Variants in OR1L3 observed in about 807,000 individuals in gnomAD.
The protein encoded by OR1L3 is olfactory receptor 1L3.
For missense variants in OR1L3, 374 were observed against 386.4 expected (o/e 0.97, Z 0.27); for synonymous variants, 137 against 144.5 (o/e 0.95, Z 0.37).
chr9:122,675,675 C>T lies in OR1L3; in HGVS notation c.546C>T (p.Asn182=), dbSNP rs374999670. ...NVIHHFFCDV[N]PVLKLSCSST... is the part of the protein sequence containing the mutation. Reference sequence around the variant, plus strand: ...TCCATCATTTTTTTTGTGATGTCAACCCTGTGCTGAAACTGTCCTGCTCCT... The same window carrying T: ...TCCATCATTTTTTTTGTGATGTCAATCCTGTGCTGAAACTGTCCTGCTCCT... Residue 182 remains asparagine (N), a synonymous_variant, in exon 1 of 1, where the codon AAC becomes AAT. Coordinates refer to ENST00000304820, the MANE Select transcript of OR1L3 (RefSeq NM_001005234.1). 1.9e-6 allele frequency: 3 copies of T among 1,613,954 alleles called. No homozygotes were observed. The highest frequency in any genetic ancestry group is 1.6e-4 in the Middle Eastern group (1 of 6,084).
At position 122,676,032 on chromosome 9, in the gene OR1L3, G is replaced by C; in HGVS notation, c.903G>C (p.Gln301His). 6.2e-7 allele frequency: 1 copy of C among 1,611,726 alleles called. No individual in the cohort carries two copies. The change falls in exon 1 of 1, where the codon CAG becomes CAC. Residue 301 changes from glutamine (Q) to histidine (H), a missense_variant. By Grantham distance (24) the Gln-to-His change is conservative. Transcript: ENST00000304820. Reference sequence around the variant, plus strand: ...ACAAAGACATGAAACGGGGCTTACAGAAATTGATAAACAAGATTAAGTCTC... The same window carrying C: ...ACAAAGACATGAAACGGGGCTTACACAAATTGATAAACAAGATTAAGTCTC... ...LRNKDMKRGL[Q>H]KLINKIKSQM... is the part of the protein sequence containing the mutation.
Position 122,675,357 on chromosome 9 carries a change from CAT to C in OR1L3, c.230_231del (p.Ile77SerfsTer19). 1 of 1,614,214 alleles carries C rather than the reference CAT, an allele frequency of 6.2e-7. No homozygotes were observed. The highest frequency in any genetic ancestry group is 1.6e-4 in the Middle Eastern group (1 of 6,062). ...TTGCTGATATTTGCTACACAACAGT[CAT>C]AGTCCCAAAGATGCTCGTGAACTTC... is the stretch of plus-strand genomic sequence containing the variant. Reference protein sequence around the residue: ...SFADICYTTVIVPKMLVNFLS... With the variant: ...SFADICYTTVXVPKMLVNFLS... On this transcript the variant is annotated frameshift_variant, in exon 1 of 1. Coordinates refer to ENST00000304820, the MANE Select transcript of OR1L3 (RefSeq NM_001005234.1). LOFTEE classifies it low-confidence loss of function (END_TRUNC).
chr9:122,675,211 T>C lies in OR1L3; in HGVS notation c.82T>C (p.Phe28Leu), dbSNP rs770689429. ...TCGGTCTGAAGACCAGAGGCCACTCTTTGCCCTCTTTCTTATCATATACCT... is the reference window on the plus strand; with the variant it reads ...TCGGTCTGAAGACCAGAGGCCACTCCTTGCCCTCTTTCTTATCATATACCT... ...SSRSEDQRPLFALFLIIYLVT... is the reference protein window; with the variant it reads ...SSRSEDQRPLLALFLIIYLVT... The change falls in exon 1 of 1, where the codon TTT becomes CTT. Residue 28 changes from phenylalanine to leucine, a missense_variant. Coordinates refer to ENST00000304820, the MANE Select transcript of OR1L3 (RefSeq NM_001005234.1). 2 of 1,614,100 alleles carry C rather than the reference T, an allele frequency of 1.2e-6. No individual in the cohort carries two copies. Among genetic ancestry groups the C allele is most frequent in the South Asian group, 2.2e-5 (2 of 91,088 alleles).
rs749568103 is a variant in OR1L3 at position 122,675,974 on chromosome 9, C to T, written c.845C>T (p.Ser282Leu). 1.2e-6 allele frequency: 2 copies of T among 1,614,150 alleles called. No individual in the cohort carries two copies. ...ACAATCAACTACACTGTGTTGACAT[C>T]AGTGTTGAACCCATTTATCTACAGT... The part of the protein sequence containing the change: ...IATINYTVLT[S>L]VLNPFIYSLR... Residue 282 changes from serine to leucine, a missense_variant, in exon 1 of 1, where the codon TCA becomes TTA. By Grantham distance (145) the Ser-to-Leu change is moderately radical. Coordinates refer to ENST00000304820, the MANE Select transcript of OR1L3 (RefSeq NM_001005234.1).
chr9:122,675,230 T>C lies in OR1L3; in HGVS notation c.101T>C (p.Ile34Thr). 3.1e-6 allele frequency: 5 copies of C among 1,614,194 alleles called. No homozygotes were observed. The highest frequency in any genetic ancestry group is 4.2e-6 in the Non-Finnish European group (5 of 1,180,026). ...QRPLFALFLIIYLVTLMGNLL... is the reference protein window; with the variant it reads ...QRPLFALFLITYLVTLMGNLL... ...CCACTCTTTGCCCTCTTTCTTATCATATACCTGGTCACTTTGATGGGAAAT... is the reference window on the plus strand; with the variant it reads ...CCACTCTTTGCCCTCTTTCTTATCACATACCTGGTCACTTTGATGGGAAAT... The change falls in exon 1 of 1, where the codon ATA becomes ACA. Residue 34 changes from isoleucine to threonine, a missense_variant. Transcript: ENST00000304820.
Position 122,676,056 on chromosome 9 carries a change from T to G in OR1L3, c.927T>G (p.Ser309=). 1 of 1,606,520 alleles carries G rather than the reference T, an allele frequency of 6.2e-7. No homozygotes were observed. The highest frequency in any genetic ancestry group is 8.5e-7 in the Non-Finnish European group (1 of 1,177,552). Residue 309 remains serine, a synonymous_variant, in exon 1 of 1, where the codon TCT becomes TCG. Coordinates refer to ENST00000304820, the MANE Select transcript of OR1L3 (RefSeq NM_001005234.1). The part of the protein sequence containing the change: ...GLQKLINKIK[S]QMSRFSTKTN... ...AGAAATTGATAAACAAGATTAAGTC[T>G]CAAATGAGTAGGTTCTCTACAAAGA... is the stretch of plus-strand genomic sequence containing the variant.
At position 122,675,376 on chromosome 9, in the gene OR1L3, G is replaced by A. The variant is rs142972365; in HGVS notation, c.247G>A (p.Val83Met). 44 of 1,614,062 alleles carry A rather than the reference G, an allele frequency of 2.7e-5. No homozygotes were observed. The highest frequency in any genetic ancestry group is 3.3e-5 in the Admixed American group (2 of 59,998). Residue 83 changes from valine to methionine, a missense_variant, in exon 1 of 1, where the codon GTG (valine) becomes ATG (methionine). Physicochemically the swap from Val to Met is conservative, Grantham distance 21 (BLOSUM62 1). Coordinates refer to ENST00000304820, the MANE Select transcript of OR1L3 (RefSeq NM_001005234.1). Reference sequence around the variant, plus strand: ...AACAGTCATAGTCCCAAAGATGCTCGTGAACTTCTTATCAGAGAAAAAGAC... The same window carrying A: ...AACAGTCATAGTCCCAAAGATGCTCATGAACTTCTTATCAGAGAAAAAGAC... ...YTTVIVPKML[V>M]NFLSEKKTIS...
At position 122,675,182 on chromosome 9, in the gene OR1L3, C is replaced by A. The variant is rs377223632; in HGVS notation, c.53C>A (p.Ser18Tyr). 1 of 1,613,830 alleles carries A rather than the reference C, an allele frequency of 6.2e-7. No homozygotes were observed. The highest frequency in any genetic ancestry group is 1.3e-5 in the African/African-American group (1 of 75,048). The change falls in exon 1 of 1, where the codon TCC becomes TAC. Residue 18 changes from serine to tyrosine, a missense_variant. By Grantham distance (144) the Ser-to-Tyr change is moderately radical. Coordinates refer to ENST00000304820, the MANE Select transcript of OR1L3 (RefSeq NM_001005234.1). ...TCTGAATTTATTCTCTTGGGACTCT[C>A]CTCTCGGTCTGAAGACCAGAGGCCA... is the stretch of plus-strand genomic sequence containing the variant. ...RLSEFILLGL[S>Y]SRSEDQRPLF...
Position 122,675,193 on chromosome 9 carries a change from G to A in OR1L3, c.64G>A (p.Glu22Lys). 2 of 1,613,694 alleles carry A rather than the reference G, an allele frequency of 1.2e-6. No homozygotes were observed. Among genetic ancestry groups the A allele is most frequent in the Non-Finnish European group, 1.7e-6 (2 of 1,179,700 alleles). ...TCTCTTGGGACTCTCCTCTCGGTCT[G>A]AAGACCAGAGGCCACTCTTTGCCCT... ...FILLGLSSRS[E>K]DQRPLFALFL... The change falls in exon 1 of 1, where the codon GAA (glutamate) becomes AAA (lysine). Residue 22 changes from glutamate to lysine, a missense_variant. By Grantham distance (56) the Glu-to-Lys change is moderately conservative. Coordinates refer to ENST00000304820, the MANE Select transcript of OR1L3 (RefSeq NM_001005234.1).
Position 122,675,329 on chromosome 9 carries a change from C to G in OR1L3, c.200C>G (p.Ser67Cys), listed in dbSNP as rs550222553. The change falls in exon 1 of 1, where the codon TCC becomes TGC. Residue 67 changes from serine (S) to cysteine (C), a missense_variant. Coordinates refer to ENST00000304820, the MANE Select transcript of OR1L3 (RefSeq NM_001005234.1). Reference sequence around the variant, plus strand: ...ATGTATTTTTTCCTAAGCATCTTGTCCTTTGCTGATATTTGCTACACAACA... The same window carrying G: ...ATGTATTTTTTCCTAAGCATCTTGTGCTTTGCTGATATTTGCTACACAACA... The part of the protein sequence containing the change: ...NPMYFFLSIL[S>C]FADICYTTVI... 1 of 1,614,212 alleles carries G rather than the reference C, an allele frequency of 6.2e-7. No individual in the cohort carries two copies. Among genetic ancestry groups the G allele is most frequent in the Non-Finnish European group, 8.5e-7 (1 of 1,180,030 alleles).
chr9:122,675,380 ACTT>A lies in OR1L3; in HGVS notation c.255_257del (p.Phe85del), dbSNP rs1830638602. On this transcript the variant is annotated inframe_deletion, in exon 1 of 1. Coordinates refer to ENST00000304820, the MANE Select transcript of OR1L3 (RefSeq NM_001005234.1). ...GTCATAGTCCCAAAGATGCTCGTGA[ACTT>A]CTTATCAGAGAAAAAGACCATTTCC... is the stretch of plus-strand genomic sequence containing the variant. 3 of 1,614,226 alleles carry A rather than the reference ACTT, an allele frequency of 1.9e-6. No individual in the cohort carries two copies. The highest frequency in any genetic ancestry group is 2.5e-6 in the Non-Finnish European group (3 of 1,180,036).
rs774100198 is a variant in OR1L3, at chr9:122,675,224, T to C, written c.95T>C (p.Leu32Pro). 6.2e-7 allele frequency: 1 copy of C among 1,614,196 alleles called. No individual in the cohort carries two copies. The highest frequency in any genetic ancestry group is 2.2e-5 in the East Asian group (1 of 44,872). The change falls in exon 1 of 1, where the codon CTT (leucine) becomes CCT (proline). Residue 32 changes from leucine (L) to proline (P), a missense_variant. Physicochemically the swap from Leu to Pro is moderately conservative, Grantham distance 98. Coordinates refer to ENST00000304820, the MANE Select transcript of OR1L3 (RefSeq NM_001005234.1). The stretch of plus-strand genomic sequence containing the variant: ...CAGAGGCCACTCTTTGCCCTCTTTC[T>C]TATCATATACCTGGTCACTTTGATG... ...EDQRPLFALFLIIYLVTLMGN... is the reference protein window; with the variant it reads ...EDQRPLFALFPIIYLVTLMGN...
chr9:122,675,990 T>A lies in OR1L3; in HGVS notation c.861T>A (p.Phe287Leu), dbSNP rs1454735609. 6.2e-7 allele frequency: 1 copy of A among 1,614,154 alleles called. No individual in the cohort carries two copies. Among genetic ancestry groups the A allele is most frequent in the Admixed American group, 1.7e-5 (1 of 60,008 alleles). The part of the protein sequence containing the change: ...YTVLTSVLNP[F>L]IYSLRNKDMK... Reference sequence around the variant, plus strand: ...TGTTGACATCAGTGTTGAACCCATTTATCTACAGTTTAAGAAACAAAGACA... The same window carrying A: ...TGTTGACATCAGTGTTGAACCCATTAATCTACAGTTTAAGAAACAAAGACA... The change falls in exon 1 of 1, where the codon TTT (phenylalanine) becomes TTA (leucine). Residue 287 changes from phenylalanine (F) to leucine (L), a missense_variant. Coordinates refer to ENST00000304820, the MANE Select transcript of OR1L3 (RefSeq NM_001005234.1).
rs750801199 is a variant in OR1L3, at chr9:122,675,169, C to T, written c.40C>T (p.Leu14Phe). The T allele has an allele frequency of 2.5e-6, 4 of 1,612,884 alleles. No homozygotes were observed. The South Asian group carries it at 4.4e-5, about 18-fold the overall frequency. Residue 14 changes from leucine (L) to phenylalanine (F), a missense_variant, in exon 1 of 1, where the codon CTC (leucine) becomes TTC (phenylalanine). Transcript: ENST00000304820. ...CCTGACAAGACTCTCTGAATTTATT[C>T]TCTTGGGACTCTCCTCTCGGTCTGA... Reference protein sequence around the residue: ...SNLTRLSEFILLGLSSRSEDQ... With the variant: ...SNLTRLSEFIFLGLSSRSEDQ...
In OR1L3 at chr9:122,675,314, T is replaced by C. The variant is rs777895447; in HGVS notation, c.185T>C (p.Phe62Ser). The change falls in exon 1 of 1, where the codon TTC (phenylalanine) becomes TCC (serine). Residue 62 changes from phenylalanine (F) to serine (S), a missense_variant. By Grantham distance (155) the Phe-to-Ser change is radical. Transcript: ENST00000304820. ...DPRLQNPMYF[F>S]LSILSFADIC... ...CGACTTCAAAACCCTATGTATTTTT[T>C]CCTAAGCATCTTGTCCTTTGCTGAT... The C allele has an allele frequency of 5.0e-6, 8 of 1,614,104 alleles. No homozygotes were observed. Among genetic ancestry groups the C allele is most frequent in the African/African-American group, 1.3e-5 (1 of 74,936 alleles).
At position 122,675,172 on chromosome 9, in the gene OR1L3, T is replaced by C. The variant is rs758754229; in HGVS notation, c.43T>C (p.Leu15=). Residue 15 remains leucine (L), a synonymous_variant, in exon 1 of 1, where the codon TTG becomes CTG. Coordinates refer to ENST00000304820, the MANE Select transcript of OR1L3 (RefSeq NM_001005234.1). ...NLTRLSEFIL[L]GLSSRSEDQR... is the part of the protein sequence containing the mutation. ...GACAAGACTCTCTGAATTTATTCTCTTGGGACTCTCCTCTCGGTCTGAAGA... is the reference window on the plus strand; with the variant it reads ...GACAAGACTCTCTGAATTTATTCTCCTGGGACTCTCCTCTCGGTCTGAAGA... 9.3e-6 allele frequency: 15 copies of C among 1,613,358 alleles called. No individual in the cohort carries two copies. Among genetic ancestry groups the C allele is most frequent in the Non-Finnish European group, 1.0e-5 (12 of 1,179,720 alleles).
Position 122,675,770 on chromosome 9 carries a change from T to G in OR1L3, c.641T>G (p.Ile214Ser). The change falls in exon 1 of 1, where the codon ATC becomes AGC. Residue 214 changes from isoleucine (I) to serine (S), a missense_variant. Transcript: ENST00000304820. ...LASVMAPFVCIIISYLRILIA... is the reference protein window; with the variant it reads ...LASVMAPFVCSIISYLRILIA... ...TCTGTGATGGCTCCATTTGTCTGTA[T>G]CATCATCTCTTATCTAAGAATTCTC... is the stretch of plus-strand genomic sequence containing the variant. The G allele has an allele frequency of 6.2e-7, 1 of 1,614,200 alleles. No individual in the cohort carries two copies. Among genetic ancestry groups the G allele is most frequent in the Non-Finnish European group, 8.5e-7 (1 of 1,180,042 alleles).
rs1343289751 is a variant in OR1L3 at position 122,675,284 on chromosome 9, A to C, written c.155A>C (p.Asp52Ala). Residue 52 changes from aspartate to alanine, a missense_variant, in exon 1 of 1, where the codon GAT becomes GCT. Coordinates refer to ENST00000304820, the MANE Select transcript of OR1L3 (RefSeq NM_001005234.1). ...NLLIILAIHSDPRLQNPMYFF... is the reference protein window; with the variant it reads ...NLLIILAIHSAPRLQNPMYFF... ...CTCATCATCTTGGCTATCCACTCTG[A>C]TCCTCGACTTCAAAACCCTATGTAT... 6.2e-7 allele frequency: 1 copy of C among 1,613,992 alleles called. No individual in the cohort carries two copies. Among genetic ancestry groups the C allele is most frequent in the African/African-American group, 1.3e-5 (1 of 74,890 alleles).
chr9:122,676,031 A>C lies in OR1L3; in HGVS notation c.902A>C (p.Gln301Pro), dbSNP rs765917706. The change falls in exon 1 of 1, where the codon CAG becomes CCG. Residue 301 changes from glutamine (Q) to proline (P), a missense_variant. Transcript: ENST00000304820. ...LRNKDMKRGLQKLINKIKSQM... is the reference protein window; with the variant it reads ...LRNKDMKRGLPKLINKIKSQM... Reference sequence around the variant, plus strand: ...AACAAAGACATGAAACGGGGCTTACAGAAATTGATAAACAAGATTAAGTCT... The same window carrying C: ...AACAAAGACATGAAACGGGGCTTACCGAAATTGATAAACAAGATTAAGTCT... 1.2e-6 allele frequency: 2 copies of C among 1,611,978 alleles called. No homozygotes were observed. Among genetic ancestry groups the C allele is most frequent in the Non-Finnish European group, 1.7e-6 (2 of 1,179,512 alleles).
Sources: gnomAD v4.1 joint callset for allele counts on GRCh38, gnomAD v4.1.1 for gene constraint, MANE v1.5 for transcripts, NCBI Gene and HGNC (gene_info 2026-07-23, HGNC 2026-07-21) for gene names.